NCALD: variants seen among roughly 807,000 people sequenced by gnomAD.
NCALD encodes the protein neurocalcin-delta.
Under a neutral mutation model 18.6 loss-of-function variants are expected in NCALD, and 10 were observed. The observed-to-expected ratio is 0.54, with a 90% confidence interval of 0.33 to 0.91. The LOEUF (loss-of-function observed/expected upper bound fraction) is 0.91, where lower values mean the gene tolerates loss of function less well. Ranked by LOEUF, NCALD falls within the 40% of genes least tolerant of loss-of-function variation. The probability of loss-of-function intolerance (pLI) is 0.03; values close to 1 mark genes in which losing one functional copy is unlikely to be tolerated. For synonymous variants in NCALD, 88 were observed against 87.4 expected (o/e 1.01, Z -0.04); for missense variants, 184 against 247.6 (o/e 0.74, Z 1.72).
chr8:101,997,701 C>A (rs1586894853), intron 2 of NCALD, among the ~76,000 whole-genome samples: 2 of 152,206 alleles, frequency 1.3e-5, no homozygotes, highest in South Asian at 4.1e-4. Flanking sequence ...CTATTTTCAG[C>A]TCTATTTCTC....
At chr8:101,881,443 A>G (rs1287254440) in intron 4 of NCALD, among the ~76,000 whole-genome samples, 1 of 152,236 alleles carries the variant, frequency 6.6e-6, no homozygotes, top group Non-Finnish European at 1.5e-5. Context: ...AATAAATTAC[A>G]CTAAAATGTC....
chr8:101,979,845 C>T (rs905412451), intron 2 of NCALD, among the ~76,000 whole-genome samples: 1 of 152,166 alleles, frequency 6.6e-6, no homozygotes, highest in Non-Finnish European at 1.5e-5. Flanking sequence ...GGCAACTAAC[C>T]GACTTTCCCA....
chr8:101,792,401 C>A (rs1032752945), upstream of NCALD, among the ~76,000 whole-genome samples: 2 of 152,154 alleles, frequency 1.3e-5, no homozygotes, highest in African/African-American at 4.8e-5. Flanking sequence ...GTCCCAGCCC[C>A]AATTGGGAGA....
At chr8:101,833,768 G>A (rs1814291507) in intron 4 of NCALD, among the ~76,000 whole-genome samples, 1 of 152,048 alleles carries the variant, frequency 6.6e-6, no homozygotes, top group Non-Finnish European at 1.5e-5. Flanking sequence ...GTGTAAAACT[G>A]GTGAAAATAT....
intron 1 of NCALD, among the ~76,000 whole-genome samples, chr8:101,777,034 A>C (rs1811821933): frequency 6.6e-6 from 1 of 152,070 alleles, no homozygotes; most frequent in South Asian, 2.1e-4. Flanking sequence ...TCTCCCCCCA[A>C]AAGACATGTC....
chr8:101,719,645 T>A lies in NCALD; in HGVS notation c.-16A>T. 1 of 1,553,012 alleles carries A rather than the reference T, an allele frequency of 6.4e-7. No homozygotes were observed. Among genetic ancestry groups the A allele is most frequent in the Admixed American group, 2.1e-5 (1 of 47,042 alleles). ...GTTTCCCCATCCTGGCGGCAAGAAT[T>A]CAGCTGCAGATAGAAAAGAAAACAT... On this transcript the variant is annotated 5_prime_UTR_variant, in exon 2 of 4. Transcript: ENST00000220931.
At chr8:101,959,107 G>A (rs1819742525) in intron 2 of NCALD, among the ~76,000 whole-genome samples, 1 of 152,130 alleles carries the variant, frequency 6.6e-6, no homozygotes, top group African/African-American at 2.4e-5. Flanking sequence ...AAAGGAGGCA[G>A]TTCTGAGTCA....
At chr8:101,837,898 T>C (rs1388389295) in intron 4 of NCALD, among the ~76,000 whole-genome samples, 1 of 152,220 alleles carries the variant, frequency 6.6e-6, no homozygotes, top group Non-Finnish European at 1.5e-5. Flanking sequence ...TGAAACATTC[T>C]ATATTGCAAT....
chr8:101,982,958 C>T (rs908328648), intron 2 of NCALD, among the ~76,000 whole-genome samples: 7 of 152,120 alleles, frequency 4.6e-5, no homozygotes, highest in East Asian at 1.9e-4. Context: ...TCTTCCCTTC[C>T]ATCTTGGGCA....
intron 1 of NCALD, chr8:101,721,425 G>A (rs896356883): frequency 3.3e-5 from 5 of 152,358 alleles, no homozygotes; most frequent in Admixed American, 1.3e-4. Context: ...CTGATAGGAA[G>A]GTAACTACAA....
At chr8:101,699,631 A>C (rs1815164785) in intron 2 of NCALD, among the ~76,000 whole-genome samples, 1 of 152,212 alleles carries the variant, frequency 6.6e-6, no homozygotes, top group Admixed American at 6.5e-5. Flanking sequence ...TGAAGCTGGA[A>C]TCCATCATCC....
chr8:101,730,589 G>C (rs1033882812), intron 1 of NCALD, among the ~76,000 whole-genome samples: 2 of 151,598 alleles, frequency 1.3e-5, no homozygotes, highest in African/African-American at 4.9e-5. Flanking sequence ...TTTATCGATG[G>C]ATTCAACAAA....
intron 3 of NCALD, among the ~76,000 whole-genome samples, chr8:101,908,005 G>A (rs950801040): frequency 4.6e-5 from 7 of 152,242 alleles, no homozygotes; most frequent in South Asian, 4.1e-4. Flanking sequence ...AACTCCTCTG[G>A]CAATTTTAAC....
intron 1 of NCALD, among the ~76,000 whole-genome samples, chr8:102,107,933 C>A (rs1398408770): frequency 6.6e-6 from 1 of 152,190 alleles, no homozygotes; most frequent in Non-Finnish European, 1.5e-5. Flanking sequence ...GTGTCCTTCC[C>A]CTCACCCCAC....
At chr8:101,712,587 C>CAAAAAAAAAAAAAAAAAAAAAAAAAA (rs201729096) in intron 2 of NCALD, among the ~76,000 whole-genome samples, 1 of 78,906 alleles carries the variant, frequency 1.3e-5, no homozygotes, top group Non-Finnish European at 2.5e-5. Flanking sequence ...AAATGGAAAG[C>CAAAAAAAAAAAAAAAAAAAAAAAAAA]AAAAAAAAAA....
chr8:102,001,008 G>T (rs186818067), intron 2 of NCALD, among the ~76,000 whole-genome samples: 3 of 152,212 alleles, frequency 2.0e-5, no homozygotes, highest in Non-Finnish European at 4.4e-5. Context: ...CACCAGCAAC[G>T]GAACAAAGCC....
At chr8:102,110,220 T>C (rs1587104662) in intron 1 of NCALD, among the ~76,000 whole-genome samples, 1 of 152,110 alleles carries the variant, frequency 6.6e-6, no homozygotes, top group African/African-American at 2.4e-5. Context: ...CTTTTAAAAT[T>C]TGAAGGAAAA....
At chr8:102,111,089 C>T (rs965703744) in intron 1 of NCALD, among the ~76,000 whole-genome samples, 3 of 152,046 alleles carry the variant, frequency 2.0e-5, no homozygotes, top group Admixed American at 2.0e-4. Flanking sequence ...GTGATTCTTT[C>T]TTCTTTCTAA....
At chr8:101,866,385 C>G (rs938760109) in intron 4 of NCALD, among the ~76,000 whole-genome samples, 4 of 152,184 alleles carry the variant, frequency 2.6e-5, no homozygotes, top group African/African-American at 9.7e-5. Context: ...AGTCCGATGG[C>G]TTTAGATAAA....
Sources: allele counts gnomAD v4.1 joint callset (sites outside exome capture counted in the v4.1 genomes callset), GRCh38; gene constraint gnomAD v4.1.1; transcripts MANE v1.5; gene names NCBI Gene and HGNC (gene_info 2026-07-23, HGNC 2026-07-21).